The following ARHGEF4 variants were observed in gnomAD, a reference collection of about 807,000 sequenced individuals.
ARHGEF4 encodes APC-stimulated guanine nucleotide exchange factor 1.
In ARHGEF4, 119 loss-of-function variants were observed where a neutral mutation model predicts 162.0. The ratio of observed to expected loss-of-function variants is 0.73; its 90% confidence interval spans 0.63 to 0.86. The LOEUF (loss-of-function observed/expected upper bound fraction) is 0.86, where lower values mean the gene tolerates loss of function less well. ARHGEF4 is among the 40% of genes least tolerant of loss of function. The probability of loss-of-function intolerance (pLI) is 0.00; values close to 1 mark genes in which losing one functional copy is unlikely to be tolerated. For synonymous variants in ARHGEF4, 1,014 were observed against 979.9 expected, an observed-to-expected ratio of 1.03 and a Z score of -0.65; for missense variants, 2,488 against 2,456.0, an observed-to-expected ratio of 1.01 and a Z score of -0.28.
chr2:131,028,884 C>T (rs1015092845), intron 5 of ARHGEF4, among the ~76,000 whole-genome samples: 1 of 152,166 alleles, frequency 6.6e-6, no homozygotes, highest in Non-Finnish European at 1.5e-5. Flanking sequence ...TCTTATAGCA[C>T]ACAGGTTTTT....
chr2:130,954,212 A>G (rs1325649329), intron 4 of ARHGEF4, among the ~76,000 whole-genome samples: 1 of 152,240 alleles, frequency 6.6e-6, no homozygotes, highest in Non-Finnish European at 1.5e-5. Context: ...ACCGTGGAAT[A>G]CTATGGAGCC....
At chr2:130,838,018 A>C (rs1290323213) in intron 1 of ARHGEF4, among the ~76,000 whole-genome samples, 2 of 152,214 alleles carry the variant, frequency 1.3e-5, no homozygotes, top group Non-Finnish European at 2.9e-5. Context: ...CCCTCAGCCT[A>C]TCCGCTGGCC....
At chr2:131,021,265 T>C (rs10928497) in intron 4 of ARHGEF4, among the ~76,000 whole-genome samples, 137,725 of 152,132 alleles carry the variant, frequency 0.91, 63,039 homozygotes, top group Non-Finnish European at 0.98. Context: ...CAGCATGGTA[T>C]TGGTACCAAA....
intron 4 of ARHGEF4, among the ~76,000 whole-genome samples, chr2:130,959,741 A>G (rs911355462): frequency 1.3e-5 from 2 of 152,234 alleles, no homozygotes; most frequent in Non-Finnish European, 2.9e-5. Context: ...TAATTTGCCC[A>G]AGGTCACAAC....
intron 4 of ARHGEF4, among the ~76,000 whole-genome samples, chr2:130,951,619 GTTTTC>G (rs1226815634): frequency 6.6e-6 from 1 of 151,792 alleles, no homozygotes; most frequent in African/African-American, 2.4e-5. Flanking sequence ...CTTCTTTACT[GTTTTC>G]TTTTTCACTG....
rs139108598 is a variant in ARHGEF4 at position 130,845,371 on chromosome 2, C to T, written c.39+8379C>T. Among the ~76,000 whole-genome samples, 6 of 152,040 alleles carry T rather than the reference C, an allele frequency of 3.9e-5. No individual in the cohort carries two copies. In the East Asian group the frequency reaches 9.9e-4, roughly 25 times the overall value. Reference sequence around the variant, plus strand: ...AATGTTTTTAAAAAAATTAACGTGGCATGGTGCACACACCTGTAGTCCCAG... The same window carrying T: ...AATGTTTTTAAAAAAATTAACGTGGTATGGTGCACACACCTGTAGTCCCAG... On this transcript the variant is annotated intron_variant, in intron 1 of 13. Transcript: ENST00000409359.
chr2:130,910,181 G>A (rs553804389), intron 1 of ARHGEF4, among the ~76,000 whole-genome samples: 1 of 152,190 alleles, frequency 6.6e-6, no homozygotes, highest in African/African-American at 2.4e-5. Context: ...TTCTGCACAT[G>A]TACCCCAGAA....
intron 5 of ARHGEF4, among the ~76,000 whole-genome samples, chr2:131,038,497 G>T (rs563119509): frequency 1.4e-5 from 2 of 147,622 alleles, no homozygotes; most frequent in East Asian, 2.0e-4. Flanking sequence ...GCAGCCCTCA[G>T]CCCCTCCCTC....
At chr2:130,987,049 C>G (rs772124776) in intron 4 of ARHGEF4, among the ~76,000 whole-genome samples, 3 of 152,226 alleles carry the variant, frequency 2.0e-5, no homozygotes, top group Non-Finnish European at 4.4e-5. Flanking sequence ...CTCTTGAGTG[C>G]TGGGAAGCAC....
rs1683798054 is a variant in ARHGEF4 at position 130,949,123 on chromosome 2, T to G, written c.3985+2488T>G. ...TCTGCTTTGTTTTCCTGTTTTGTTT[T>G]GTTTTTTTCTCACCTGTGTTCACTG... On this transcript the variant is annotated intron_variant, in intron 4 of 13. Transcript: ENST00000409359. 2.0e-5 allele frequency among the ~76,000 whole-genome samples: 3 copies of G among 152,196 alleles called. No homozygotes were observed. The South Asian group carries it at 6.2e-4, about 32-fold the overall frequency.
chr2:131,046,147 C>T lies in ARHGEF4; in HGVS notation c.5589C>T (p.Thr1863=), dbSNP rs138602970. ...VLAEPRRKPS[T]FWHSISRLAP... ...CGGAGCCCAGGCGCAAGCCATCTAC[C>T]TTCTGGCACAGCATCAGCCGGCTGG... The change falls in exon 14 of 14, where the codon ACC becomes ACT. Residue 1863 remains threonine, a synonymous_variant. Transcript: ENST00000409359. 16 of 1,612,960 alleles carry T rather than the reference C, an allele frequency of 9.9e-6. No individual in the cohort carries two copies. In the East Asian group the frequency reaches 1.8e-4, roughly 18 times the overall value.
chr2:130,886,215 T>A (rs895003296), intron 1 of ARHGEF4, among the ~76,000 whole-genome samples: 5 of 152,218 alleles, frequency 3.3e-5, no homozygotes, highest in Middle Eastern at 3.4e-3. Context: ...GTTGATGGAT[T>A]TGATTTGATG....
chr2:130,991,586 C>T (rs1686982058), intron 4 of ARHGEF4, among the ~76,000 whole-genome samples: 1 of 152,378 alleles, frequency 6.6e-6, no homozygotes, highest in East Asian at 1.9e-4. Context: ...AATTAGCACC[C>T]GGGCCAGCGG....
intron 4 of ARHGEF4, among the ~76,000 whole-genome samples, chr2:130,980,023 TTAAAG>T (rs1310678606): frequency 3.3e-5 from 5 of 152,198 alleles, no homozygotes; most frequent in African/African-American, 1.2e-4. Context: ...AACCACTGTA[TTAAAG>T]TAGTTAGGTT....
rs537104576 is a variant in ARHGEF4, at chr2:130,871,311, G to A, written c.39+34319G>A. 3.3e-5 allele frequency among the ~76,000 whole-genome samples: 5 copies of A among 152,200 alleles called. No individual in the cohort carries two copies. The South Asian group carries it at 1.0e-3, about 32-fold the overall frequency. On this transcript the variant is annotated intron_variant, in intron 1 of 13. Transcript: ENST00000409359. Reference sequence around the variant, plus strand: ...AGCACTTTGGGAGGCCGAGGTGGGCGGATCACCTGAGGTCAGAAGTTCGAG... The same window carrying A: ...AGCACTTTGGGAGGCCGAGGTGGGCAGATCACCTGAGGTCAGAAGTTCGAG...
chr2:131,045,639 C>CA (rs1192487889), intron 13 of ARHGEF4, 193 bp downstream of exon 13: 1 of 1,522,140 alleles, frequency 6.6e-7, no homozygotes, highest in Non-Finnish European at 8.8e-7. Flanking sequence ...ATATGGTTGA[C>CA]ATTCTTACTC....
At chr2:130,962,006 C>T (rs1191316134) in intron 4 of ARHGEF4, among the ~76,000 whole-genome samples, 2 of 151,946 alleles carry the variant, frequency 1.3e-5, no homozygotes, top group Non-Finnish European at 2.9e-5. Flanking sequence ...TTTGGGAGGC[C>T]GAGGCGGGCG....
chr2:130,851,338 G>T (rs191203995), intron 1 of ARHGEF4, among the ~76,000 whole-genome samples: 1 of 152,254 alleles, frequency 6.6e-6, no homozygotes, highest in Non-Finnish European at 1.5e-5. Flanking sequence ...GCCCTGGTTC[G>T]CATCCATCAA....
At chr2:131,011,751 C>T (rs1414498243) in intron 4 of ARHGEF4, 1 of 1,066,624 alleles carries the variant, frequency 9.4e-7, no homozygotes, top group African/African-American at 1.5e-5. Flanking sequence ...TTGACTGTCA[C>T]TCTGAAGCAG....
Sources: gnomAD v4.1 joint callset for allele counts (sites outside exome capture counted in the v4.1 genomes callset) on GRCh38, gnomAD v4.1.1 for gene constraint, MANE v1.5 for transcripts, NCBI Gene and HGNC (gene_info 2026-07-23, HGNC 2026-07-21) for gene names.